Variants in DCLK2 observed in about 807,000 individuals in gnomAD.
The protein encoded by DCLK2 is serine/threonine-protein kinase DCLK2.
DCLK2 carries 31 observed loss-of-function variants against 78.4 expected under a neutral mutation model. That is an observed-to-expected ratio of 0.40 (90% CI 0.30 to 0.53). The LOEUF (loss-of-function observed/expected upper bound fraction) is 0.53, where lower values mean the gene tolerates loss of function less well. Ranked by LOEUF, DCLK2 falls within the 20% of genes least tolerant of loss-of-function variation. DCLK2 has a pLI of 0.61. For synonymous variants in DCLK2, 407 were observed against 374.9 expected (o/e 1.09, Z -0.99); for missense variants, 872 against 973.7 (o/e 0.90, Z 1.39).
rs199820108 is a variant in DCLK2 at position 150,181,624 on chromosome 4, TA to T, written c.757-11513del. Among the ~76,000 whole-genome samples, 973 of 149,088 alleles carry T rather than the reference TA, an allele frequency of 6.5e-3. 5 individuals carry two copies. Among genetic ancestry groups the T allele is most frequent in the African/African-American group, 0.015 (595 of 40,858 alleles). On this transcript the variant is annotated intron_variant, in intron 2 of 15. Transcript: ENST00000296550. ...GAAAAGGTTAGATCCAGTGTTTTTTTATTTTTTAGGAAGCAAACCAAATGTA... is the reference window on the plus strand; with the variant it reads ...GAAAAGGTTAGATCCAGTGTTTTTTTTTTTTTAGGAAGCAAACCAAATGTA...
chr4:150,157,552 G>T (rs1735400270), intron 2 of DCLK2, among the ~76,000 whole-genome samples: 1 of 143,116 alleles, frequency 7.0e-6, no homozygotes, highest in African/African-American at 2.6e-5. Context: ...TCTCTCTCTT[G>T]TTCAGGCTGG....
chr4:150,089,051 G>C (rs1237457217), intron 1 of DCLK2, among the ~76,000 whole-genome samples: 1 of 152,026 alleles, frequency 6.6e-6, no homozygotes, highest in Non-Finnish European at 1.5e-5. Flanking sequence ...AATAATACTT[G>C]CATGATACTC....
intron 2 of DCLK2, among the ~76,000 whole-genome samples, chr4:150,146,743 T>C (rs992031998): frequency 5.2e-4 from 79 of 152,280 alleles, no homozygotes; most frequent in African/African-American, 1.9e-3. Context: ...AATCCTCAGA[T>C]ATATGAGTTC....
At chr4:150,155,886 A>C (rs572335609) in intron 2 of DCLK2, among the ~76,000 whole-genome samples, 132 of 152,300 alleles carry the variant, frequency 8.7e-4, no homozygotes, top group African/African-American at 3.1e-3. Flanking sequence ...TAATCTGTAC[A>C]GATGTAAAGC....
rs10022477 is a variant in DCLK2, at chr4:150,097,246, T to G, written c.422-5232T>G. Among the ~76,000 whole-genome samples the G allele has an allele frequency of 2.2e-3, 325 of 147,684 alleles. 2 individuals are homozygous for G. Among genetic ancestry groups the G allele is most frequent in the African/African-American group, 7.9e-3 (316 of 40,002 alleles). On this transcript the variant is annotated intron_variant, in intron 1 of 15. Coordinates refer to ENST00000296550, the MANE Select transcript of DCLK2 (RefSeq NM_001040260.4). ...GCTGGAGTGCTGTGGTACTGCAACC[T>G]CCGCCTTCTGGGTTCAAGCGATTCT...
intron 2 of DCLK2, among the ~76,000 whole-genome samples, chr4:150,138,022 C>A (rs1161505694): frequency 6.6e-6 from 1 of 152,140 alleles, no homozygotes; most frequent in African/African-American, 2.4e-5. Flanking sequence ...GTATCTCGTA[C>A]TTTCATTAGG....
intron 2 of DCLK2, among the ~76,000 whole-genome samples, chr4:150,109,754 C>G (rs1731533090): frequency 6.6e-6 from 1 of 152,148 alleles, no homozygotes; most frequent in Admixed American, 6.5e-5. Context: ...AAATTTATCC[C>G]AACCAAGAAT....
At chr4:150,225,775 C>T (rs1471607783) in intron 8 of DCLK2, among the ~76,000 whole-genome samples, 7 of 152,122 alleles carry the variant, frequency 4.6e-5, no homozygotes, top group East Asian at 3.8e-4. Flanking sequence ...GTATATGGAT[C>T]ATGGTGTATA....
chr4:150,201,970 C>T (rs1462119611), intron 4 of DCLK2, among the ~76,000 whole-genome samples: 2 of 152,154 alleles, frequency 1.3e-5, no homozygotes, highest in East Asian at 1.9e-4. Flanking sequence ...TACACATTTT[C>T]TGTGTACCTC....
At chr4:150,243,873 T>C (rs1743102515) in intron 12 of DCLK2, among the ~76,000 whole-genome samples, 1 of 151,540 alleles carries the variant, frequency 6.6e-6, no homozygotes, top group Non-Finnish European at 1.5e-5. Context: ...AGCTTTTTTT[T>C]TTTTTTTTTT....
intron 14 of DCLK2, 58 bp from the exon 15 acceptor site, chr4:150,249,510 G>C: frequency 6.7e-7 from 1 of 1,498,696 alleles, no homozygotes; most frequent in Non-Finnish European, 9.3e-7. Flanking sequence ...TTAAGGAAAA[G>C]ACAACTCAAA....
chr4:150,147,513 A>G (rs1734565245), intron 2 of DCLK2, among the ~76,000 whole-genome samples: 1 of 152,220 alleles, frequency 6.6e-6, no homozygotes, highest in Non-Finnish European at 1.5e-5. Flanking sequence ...AAGTGCAAGC[A>G]TCAAAAATAA....
chr4:150,101,226 G>T (rs1019397382), intron 1 of DCLK2, among the ~76,000 whole-genome samples: 1 of 152,172 alleles, frequency 6.6e-6, no homozygotes, highest in African/African-American at 2.4e-5. Flanking sequence ...CTGCAGTTCA[G>T]CCTGGGCAAC....
At chr4:150,253,347 C>A in intron 15 of DCLK2, 1 of 988,830 alleles carries the variant, frequency 1.0e-6, no homozygotes, top group Non-Finnish European at 1.4e-6. Context: ...CATCTGCTGT[C>A]ACCCTAGTGT....
intron 10 of DCLK2, among the ~76,000 whole-genome samples, chr4:150,236,834 G>A (rs1372550805): frequency 6.6e-6 from 1 of 152,172 alleles, no homozygotes; most frequent in Non-Finnish European, 1.5e-5. Context: ...CCTTTGTGAT[G>A]TTTAGCCAAG....
At chr4:150,170,693 C>T (rs1392949671) in intron 2 of DCLK2, among the ~76,000 whole-genome samples, 4 of 152,120 alleles carry the variant, frequency 2.6e-5, no homozygotes, top group Non-Finnish European at 5.9e-5. Flanking sequence ...ATTGGAACTG[C>T]AATATTAAGA....
intron 2 of DCLK2, among the ~76,000 whole-genome samples, chr4:150,142,210 C>T (rs894422996): frequency 6.6e-6 from 1 of 152,142 alleles, no homozygotes; most frequent in African/African-American, 2.4e-5. Context: ...CCTTCTCACT[C>T]CCTCTTTAGA....
chr4:150,115,859 C>T (rs1305351228), intron 2 of DCLK2, among the ~76,000 whole-genome samples: 4 of 152,164 alleles, frequency 2.6e-5, no homozygotes, highest in East Asian at 3.8e-4. Flanking sequence ...TGGTTAAAAA[C>T]CGGTCATGGC....
intron 5 of DCLK2, among the ~76,000 whole-genome samples, chr4:150,216,786 T>G (rs1740755999): frequency 6.6e-6 from 1 of 152,132 alleles, no homozygotes; most frequent in Non-Finnish European, 1.5e-5. Flanking sequence ...ATCTTCACGG[T>G]TCTCTTCTGT....
Sources: gnomAD v4.1 joint callset for allele counts (sites outside exome capture counted in the v4.1 genomes callset) on GRCh38, gnomAD v4.1.1 for gene constraint, MANE v1.5 for transcripts, NCBI Gene and HGNC (gene_info 2026-07-23, HGNC 2026-07-21) for gene names.